Variants in RSRC1 observed in about 807,000 individuals in gnomAD.
RSRC1 encodes arginine and serine rich coiled-coil 1, also known as serine/Arginine-related protein 53.
A neutral mutation model predicts 49.1 loss-of-function variants in RSRC1; 39 were observed. That is an observed-to-expected ratio of 0.79 (90% CI 0.61 to 1.04). The LOEUF is 1.04. Ranked by LOEUF, RSRC1 falls within the 50% of genes least tolerant of loss-of-function variation. RSRC1 has a pLI of 0.00. For synonymous variants in RSRC1, 143 were observed against 130.8 expected (o/e 1.09, Z -0.63); for missense variants, 388 against 402.4 (o/e 0.96, Z 0.31).
chr3:158,203,034 A>G (rs778266107), intron 3 of RSRC1, 38 bp from the exon 4 acceptor site: 19 of 1,507,920 alleles, frequency 1.3e-5, no homozygotes, highest in Middle Eastern at 3.5e-4. Flanking sequence ...GATACAAATT[A>G]TACACTAAGT....
chr3:158,334,481 G>T (rs1363329202), intron 5 of RSRC1, among the ~76,000 whole-genome samples: 1 of 91,988 alleles, frequency 1.1e-5, no homozygotes, highest in Non-Finnish European at 2.1e-5. Context: ...TTTCTAACAG[G>T]AGAATTTTTT....
At chr3:158,243,954 T>G (rs1333829825) in intron 4 of RSRC1, among the ~76,000 whole-genome samples, 34 of 151,570 alleles carry the variant, frequency 2.2e-4, no homozygotes, top group Non-Finnish European at 4.0e-4. Flanking sequence ...ACTATGGTTT[T>G]TTTTTTTTTT....
intron 6 of RSRC1, among the ~76,000 whole-genome samples, chr3:158,370,507 T>C (rs928716162): frequency 1.2e-4 from 18 of 151,944 alleles, no homozygotes; most frequent in African/African-American, 4.3e-4. Flanking sequence ...TGGAATCATA[T>C]AGTATGTAGT....
chr3:158,194,717 A>G (rs900505855), intron 3 of RSRC1, among the ~76,000 whole-genome samples: 4 of 136,792 alleles, frequency 2.9e-5, no homozygotes, highest in Non-Finnish European at 4.5e-5. Context: ...TCATTGTTCA[A>G]TTCCCACCTA....
At chr3:158,216,975 T>A (rs1490445910) in intron 4 of RSRC1, among the ~76,000 whole-genome samples, 1 of 151,760 alleles carries the variant, frequency 6.6e-6, no homozygotes, top group East Asian at 1.9e-4. Flanking sequence ...CTTCCTGTCC[T>A]TGAATCCATT....
At chr3:158,132,938 T>A (rs1362856377) in intron 3 of RSRC1, among the ~76,000 whole-genome samples, 1 of 152,206 alleles carries the variant, frequency 6.6e-6, no homozygotes, top group African/African-American at 2.4e-5. Context: ...TGTAGTTTTG[T>A]TCTTGGAAAT....
chr3:158,286,168 C>T (rs1165161987), intron 4 of RSRC1, among the ~76,000 whole-genome samples: 1 of 152,146 alleles, frequency 6.6e-6, no homozygotes, highest in Admixed American at 6.6e-5. Flanking sequence ...GCTGCCTCCT[C>T]CCTAATCATG....
Position 158,459,696 on chromosome 3 carries a change from T to C in RSRC1, c.584-1239T>C, listed in dbSNP as rs150770895. 1.5e-3 allele frequency among the ~76,000 whole-genome samples: 229 copies of C among 152,180 alleles called. 3 individuals are homozygous for C. The East Asian group carries it at 0.033, about 22-fold the overall frequency. ...GGTTTGTTTTTATTATCTAATTTAA[T>C]AGATTCTTGCAATGATATGGAGTGG... On this transcript the variant is annotated intron_variant, in intron 6 of 9. Coordinates refer to ENST00000611884, the MANE Select transcript of RSRC1 (RefSeq NM_001271838.2).
At chr3:158,458,378 T>G (rs778089910) in intron 6 of RSRC1, among the ~76,000 whole-genome samples, 5 of 152,116 alleles carry the variant, frequency 3.3e-5, no homozygotes, top group Non-Finnish European at 5.9e-5. Context: ...TTTTTGCTAT[T>G]TTAATGGCAA....
intron 6 of RSRC1, among the ~76,000 whole-genome samples, chr3:158,436,152 C>T (rs1167227035): frequency 3.3e-5 from 5 of 151,812 alleles, no homozygotes; most frequent in Non-Finnish European, 5.9e-5. Context: ...TGATATGACA[C>T]TATGCTAAAA....
At chr3:158,165,771 G>C (rs947217021) in intron 3 of RSRC1, among the ~76,000 whole-genome samples, 1 of 152,154 alleles carries the variant, frequency 6.6e-6, no homozygotes, top group Non-Finnish European at 1.5e-5. Flanking sequence ...TGCTCCACTG[G>C]AAACAAAATA....
intron 6 of RSRC1, among the ~76,000 whole-genome samples, chr3:158,386,471 T>TA (rs1732971707): frequency 6.6e-6 from 1 of 152,006 alleles, no homozygotes; most frequent in South Asian, 2.1e-4. Context: ...ATTTCCACCT[T>TA]AAAAAAAGCT....
intron 3 of RSRC1, among the ~76,000 whole-genome samples, chr3:158,199,681 T>C: frequency 6.6e-6 from 1 of 152,220 alleles, no homozygotes; most frequent in East Asian, 1.9e-4. Context: ...TTGCTTTATC[T>C]GCATCCCACA....
chr3:158,419,802 T>C (rs1203705339), intron 6 of RSRC1, among the ~76,000 whole-genome samples: 1 of 138,696 alleles, frequency 7.2e-6, no homozygotes, highest in Non-Finnish European at 1.5e-5. Context: ...ATACATGTAA[T>C]AGACACTTTA....
At chr3:158,331,451 A>G (rs1451184216) in intron 5 of RSRC1, among the ~76,000 whole-genome samples, 2 of 152,098 alleles carry the variant, frequency 1.3e-5, no homozygotes, top group Non-Finnish European at 2.9e-5. Context: ...ATTTATTGTC[A>G]CTGTTTTGCC....
intron 6 of RSRC1, among the ~76,000 whole-genome samples, chr3:158,376,782 C>G (rs955549384): frequency 6.6e-6 from 1 of 152,078 alleles, no homozygotes; most frequent in South Asian, 2.1e-4. Context: ...AGTTTAAATA[C>G]AATCAGCACC....
intron 6 of RSRC1, among the ~76,000 whole-genome samples, chr3:158,424,108 T>C (rs1735257315): frequency 6.6e-6 from 1 of 152,090 alleles, no homozygotes; most frequent in Admixed American, 6.6e-5. Context: ...TCCAACACTA[T>C]GTTGAATAGG....
intron 4 of RSRC1, among the ~76,000 whole-genome samples, chr3:158,286,951 C>T (rs572774517): frequency 5.3e-5 from 8 of 152,266 alleles, no homozygotes; most frequent in South Asian, 2.1e-4. Flanking sequence ...CTCAGCCTTC[C>T]GAGTATCTGG....
chr3:158,424,291 G>A (rs1202034707), intron 6 of RSRC1, among the ~76,000 whole-genome samples: 2 of 151,386 alleles, frequency 1.3e-5, no homozygotes, highest in African/African-American at 4.8e-5. Context: ...AGCATGAAGG[G>A]TTGTTGAATT....
Sources: gnomAD v4.1 joint callset for allele counts (sites outside exome capture counted in the v4.1 genomes callset) on GRCh38, gnomAD v4.1.1 for gene constraint, MANE v1.5 for transcripts, NCBI Gene and HGNC (gene_info 2026-07-23, HGNC 2026-07-21) for gene names.